Variants in EPHA7 observed in about 807,000 individuals in gnomAD.
EPHA7 encodes ephrin type-A receptor 7.
EPHA7 carries 25 observed loss-of-function variants against 112.6 expected under a neutral mutation model. The ratio of observed to expected loss-of-function variants is 0.22; its 90% confidence interval spans 0.16 to 0.31. EPHA7 has a LOEUF of 0.31. Ranked by LOEUF, EPHA7 falls within the 10% of genes least tolerant of loss-of-function variation. EPHA7 has a pLI of 1.00. For missense variants in EPHA7, 962 were observed against 1,212.6 expected, an observed-to-expected ratio of 0.79 and a Z score of 3.07; for synonymous variants, 437 against 406.5, an observed-to-expected ratio of 1.07 and a Z score of -0.90.
intron 3 of EPHA7, among the ~76,000 whole-genome samples, chr6:93,404,354 C>A (rs760917234): frequency 3.3e-5 from 5 of 151,746 alleles, no homozygotes; most frequent in Non-Finnish European, 7.4e-5. Flanking sequence ...TCAAGATGTT[C>A]TGAAAAAAGT....
intron 5 of EPHA7, among the ~76,000 whole-genome samples, chr6:93,291,128 C>T (rs1772339726): frequency 6.6e-6 from 1 of 152,064 alleles, no homozygotes; most frequent in Non-Finnish European, 1.5e-5. Flanking sequence ...TGAAAACCCC[C>T]TTATGGATAC....
At position 93,410,554 on chromosome 6, in the gene EPHA7, A is replaced by G. The variant is rs1306506164; in HGVS notation, c.779T>C (p.Ile260Thr). ...CSAEGEWLVPIGKCICKAGYQ... is the reference protein window; with the variant it reads ...CSAEGEWLVPTGKCICKAGYQ... ...GCCTGCTTTGCAGATACATTTTCCA[A>G]TGGGCACTAACCATTCTCCTTCTGC... The change falls in exon 3 of 17, where the codon ATT becomes ACT. Residue 260 changes from isoleucine to threonine, a missense_variant. Coordinates refer to ENST00000369303, the MANE Select transcript of EPHA7 (RefSeq NM_004440.4). This position sits in a 1 kb window ranked among gnomAD's most constrained non-coding sequence, Gnocchi z 4.0. 4 of 1,613,976 alleles carry G rather than the reference A, an allele frequency of 2.5e-6. No homozygotes were observed. The highest frequency in any genetic ancestry group is 2.2e-5 in the East Asian group (1 of 44,860).
At chr6:93,366,311 T>C (rs925877257) in intron 3 of EPHA7, among the ~76,000 whole-genome samples, 1 of 152,186 alleles carries the variant, frequency 6.6e-6, no homozygotes, top group African/African-American at 2.4e-5. Flanking sequence ...AGCATACAAT[T>C]GGGGCAAAGC....
intron 3 of EPHA7, among the ~76,000 whole-genome samples, chr6:93,376,264 T>C (rs1289248614): frequency 6.6e-6 from 1 of 152,072 alleles, no homozygotes; most frequent in Non-Finnish European, 1.5e-5. Flanking sequence ...CTCAGCCTCC[T>C]GAGCAGCTGG....
chr6:93,372,225 T>C (rs959960568), intron 3 of EPHA7, among the ~76,000 whole-genome samples: 1 of 152,160 alleles, frequency 6.6e-6, no homozygotes, highest in Non-Finnish European at 1.5e-5. Flanking sequence ...AGGAGGTATC[T>C]GATGCTTGAA....
chr6:93,347,462 A>C (rs967888318), intron 5 of EPHA7, among the ~76,000 whole-genome samples: 1 of 151,846 alleles, frequency 6.6e-6, no homozygotes, highest in Middle Eastern at 3.2e-3. Flanking sequence ...AAATGCATAA[A>C]ATTTCTACCA....
Position 93,263,873 on chromosome 6 carries a change from C to G in EPHA7, c.1785G>C (p.Glu595Asp). 1 of 1,609,308 alleles carries G rather than the reference C, an allele frequency of 6.2e-7. No individual in the cohort carries two copies. ...YSKADQEGDE[E>D]LYFHFKFPGT... ...CCAAACACTTACAATGAAAGTAAAG[C>G]TCTTCATCGCCTTCTTGGTCAGCTT... Residue 595 changes from glutamate to aspartate, a missense_variant, in exon 9 of 17, where the codon GAG (glutamate) becomes GAC (aspartate). Coordinates refer to ENST00000369303, the MANE Select transcript of EPHA7 (RefSeq NM_004440.4).
intron 5 of EPHA7, among the ~76,000 whole-genome samples, chr6:93,351,480 T>G (rs1382613819): frequency 6.6e-6 from 1 of 152,090 alleles, no homozygotes; most frequent in Non-Finnish European, 1.5e-5. Context: ...TTCATCCTAA[T>G]TCCTTCCAGA....
chr6:93,294,975 A>T (rs894235102), intron 5 of EPHA7, among the ~76,000 whole-genome samples: 17 of 152,012 alleles, frequency 1.1e-4, no homozygotes, highest in African/African-American at 3.9e-4. Context: ...TTCTAAGAAA[A>T]ATTTCCAAAT....
intron 5 of EPHA7, among the ~76,000 whole-genome samples, chr6:93,282,925 C>G (rs1024295535): frequency 2.6e-5 from 4 of 152,306 alleles, no homozygotes; most frequent in South Asian, 2.1e-4. Context: ...AGAGCCTCCC[C>G]GAGGAGCGCT....
At chr6:93,307,799 T>C (rs572055316) in intron 5 of EPHA7, among the ~76,000 whole-genome samples, 1 of 152,306 alleles carries the variant, frequency 6.6e-6, no homozygotes, top group African/African-American at 2.4e-5. Context: ...ATTTTGAGGA[T>C]AGTACTACTA....
intron 10 of EPHA7, 99 bp downstream of exon 10, chr6:93,259,255 T>C: frequency 6.8e-7 from 1 of 1,467,466 alleles, no homozygotes; most frequent in Non-Finnish European, 9.3e-7. Flanking sequence ...ATGCAAAAGT[T>C]CTATACTTGA....
intron 3 of EPHA7, among the ~76,000 whole-genome samples, chr6:93,366,929 C>T (rs1374887087): frequency 6.6e-6 from 1 of 150,548 alleles, no homozygotes; most frequent in African/African-American, 2.4e-5. Context: ...GAGTTCACCC[C>T]ATAGATTAAA....
chr6:93,293,006 T>C (rs756629158), intron 5 of EPHA7, among the ~76,000 whole-genome samples: 17 of 152,064 alleles, frequency 1.1e-4, no homozygotes, highest in Admixed American at 3.3e-4. Flanking sequence ...TAGTAAATGA[T>C]AGAGATGAGA....
chr6:93,412,422 A>G (rs1237154471), intron 2 of EPHA7, among the ~76,000 whole-genome samples: 1 of 152,116 alleles, frequency 6.6e-6, no homozygotes, highest in Non-Finnish European at 1.5e-5. Flanking sequence ...AATTAACAAG[A>G]CTGACAAATT....
chr6:93,258,672 AT>A (rs939770659), intron 10 of EPHA7, among the ~76,000 whole-genome samples: 2 of 148,146 alleles, frequency 1.4e-5, no homozygotes, highest in African/African-American at 4.9e-5. Flanking sequence ...ATATTTAAAA[AT>A]TTTTTTATAT....
rs539625471 is a variant in EPHA7 at position 93,272,183 on chromosome 6, C to T, written c.1449+115G>A. On this transcript the variant is annotated intron_variant, in intron 6 of 16. Transcript: ENST00000369303. ...TATTATAAATGGCTAAAATTAACTA[C>T]GAAGTTTGAAGTAGCTCCAAATTGT... 2.3e-5 allele frequency: 27 copies of T among 1,159,854 alleles called. 1 individual carries two copies. Among genetic ancestry groups the T allele is most frequent in the South Asian group, 5.9e-5 (4 of 67,280 alleles). The allele number at this position is 1,159,854 out of a possible 1,614,324, so 71.8% of individuals were successfully genotyped here.
intron 3 of EPHA7, chr6:93,409,799 T>G (rs1778887500): frequency 6.6e-6 from 1 of 151,756 alleles, no homozygotes; most frequent in Admixed American, 6.6e-5. Flanking sequence ...GAAAAAAGTT[T>G]ACTAATTCAT....
chr6:93,418,181 T>G, intron 1 of EPHA7, among the ~76,000 whole-genome samples: 1 of 143,966 alleles, frequency 6.9e-6, no homozygotes, highest in African/African-American at 2.5e-5. Context: ...ATGAGGGGGG[T>G]TGGGGATGGG....
Sources: gnomAD v4.1 joint callset for allele counts (sites outside exome capture counted in the v4.1 genomes callset) on GRCh38, gnomAD v4.1.1 for gene constraint, Gnocchi (gnomAD v3.1) non-coding constraint, MANE v1.5 for transcripts, NCBI Gene and HGNC (gene_info 2026-07-23, HGNC 2026-07-21) for gene names.